KCNH7: variants seen among roughly 807,000 people sequenced by gnomAD.
The protein encoded by KCNH7 is voltage-gated inwardly rectifying potassium channel KCNH7.
Under a neutral mutation model 120.8 loss-of-function variants are expected in KCNH7, and 49 were observed. That is an observed-to-expected ratio of 0.41 (90% CI 0.32 to 0.51). The LOEUF is 0.51. Among genes scored for constraint, KCNH7 ranks in the 20% least tolerant of loss-of-function variants. The pLI is 0.38. For missense variants in KCNH7, 1,097 were observed against 1,446.6 expected (o/e 0.76, Z 3.92); for synonymous variants, 547 against 516.1 (o/e 1.06, Z -0.81).
chr2:162,742,133 A>C (rs1022158417), intron 2 of KCNH7, among the ~76,000 whole-genome samples: 3 of 152,186 alleles, frequency 2.0e-5, no homozygotes, highest in African/African-American at 7.2e-5. Context: ...TGTTGATTCT[A>C]CCAGAAACAC....
chr2:162,828,434 T>C (rs1303794858), intron 2 of KCNH7, among the ~76,000 whole-genome samples: 3 of 152,136 alleles, frequency 2.0e-5, no homozygotes, highest in African/African-American at 7.2e-5. Context: ...AGGACAATAA[T>C]CTACATGATG....
At chr2:162,621,836 T>C (rs1218692119) in intron 2 of KCNH7, among the ~76,000 whole-genome samples, 1 of 152,174 alleles carries the variant, frequency 6.6e-6, no homozygotes, top group Non-Finnish European at 1.5e-5. Flanking sequence ...TTTATTTACA[T>C]TTGTTAATGA....
intron 9 of KCNH7, among the ~76,000 whole-genome samples, chr2:162,418,203 A>C (rs1687594866): frequency 6.6e-6 from 1 of 152,094 alleles, no homozygotes; most frequent in South Asian, 2.1e-4. Flanking sequence ...TTTATAGAAA[A>C]CCAAAAGGTG....
intron 2 of KCNH7, among the ~76,000 whole-genome samples, chr2:162,752,939 A>AAAAGAAAAG (rs1688628104): frequency 1.0e-5 from 1 of 97,316 alleles, no homozygotes; most frequent in Non-Finnish European, 1.8e-5. Flanking sequence ...AAAAGAAAAG[A>AAAAGAAAAG]AAAGAAAAGA....
intron 7 of KCNH7, among the ~76,000 whole-genome samples, chr2:162,445,646 C>T (rs1478278284): frequency 6.6e-6 from 1 of 152,140 alleles, no homozygotes; most frequent in Non-Finnish European, 1.5e-5. Flanking sequence ...CAAATCTCTG[C>T]TGTCTCAAAC....
At chr2:162,648,089 T>G (rs1449701899) in intron 2 of KCNH7, among the ~76,000 whole-genome samples, 1 of 152,178 alleles carries the variant, frequency 6.6e-6, no homozygotes, top group Non-Finnish European at 1.5e-5. Context: ...AACTAAACTT[T>G]AACACTGTAG....
chr2:162,712,447 A>G (rs1686960333), intron 2 of KCNH7, among the ~76,000 whole-genome samples: 1 of 152,110 alleles, frequency 6.6e-6, no homozygotes, highest in African/African-American at 2.4e-5. Context: ...TTTCTCTTCT[A>G]GTTTTTCATG....
intron 9 of KCNH7, among the ~76,000 whole-genome samples, chr2:162,413,836 G>A (rs886117760): frequency 8.6e-5 from 13 of 151,044 alleles, no homozygotes; most frequent in Admixed American, 4.6e-4. Flanking sequence ...TTAAACAAAC[G>A]AACATATTGA....
At chr2:162,696,865 G>T (rs968440911) in intron 2 of KCNH7, among the ~76,000 whole-genome samples, 2 of 152,032 alleles carry the variant, frequency 1.3e-5, no homozygotes, top group African/African-American at 4.8e-5. Flanking sequence ...TTCCAAATAT[G>T]TTTAAATTTA....
intron 2 of KCNH7, among the ~76,000 whole-genome samples, chr2:162,601,065 A>G (rs1694535077): frequency 6.6e-6 from 1 of 152,066 alleles, no homozygotes; most frequent in South Asian, 2.1e-4. Flanking sequence ...AAAGGGGAAA[A>G]AAGGGTAACT....
chr2:162,611,221 T>C lies in KCNH7; in HGVS notation c.308-74141A>G, dbSNP rs138035992. 6.6e-5 allele frequency among the ~76,000 whole-genome samples: 10 copies of C among 152,328 alleles called. No individual in the cohort carries two copies. The East Asian group carries it at 1.9e-3, about 29-fold the overall frequency. ...CAGGCAGAGGAGCAAATGCTGATTA[T>C]GGCAATGACATAGTATTCCCTAGCC... On this transcript the variant is annotated intron_variant, in intron 2 of 15. Transcript: ENST00000332142.
At chr2:162,825,363 C>T (rs752464934) in intron 2 of KCNH7, among the ~76,000 whole-genome samples, 1 of 151,688 alleles carries the variant, frequency 6.6e-6, no homozygotes, top group Non-Finnish European at 1.5e-5. Flanking sequence ...CAAAATTCAA[C>T]AAATTTCAAC....
At chr2:162,510,125 T>C (rs1327663487) in intron 5 of KCNH7, among the ~76,000 whole-genome samples, 13 of 151,630 alleles carry the variant, frequency 8.6e-5, no homozygotes, top group Non-Finnish European at 3.0e-5. Flanking sequence ...CATATGTATA[T>C]GCAGGATGTG....
intron 2 of KCNH7, among the ~76,000 whole-genome samples, chr2:162,735,355 A>G (rs1203630440): frequency 1.3e-5 from 2 of 152,132 alleles, no homozygotes; most frequent in African/African-American, 4.8e-5. Flanking sequence ...TTATAATAGG[A>G]GCTTGAATCC....
chr2:162,491,067 G>T lies in KCNH7; in HGVS notation c.1128+13376C>A, dbSNP rs1220817805. ...GGAATAAGCTGTGGCTGCTTCCCGG[G>T]TACCAAGGCAATCTCGGGGGCCAAG... is the stretch of plus-strand genomic sequence containing the variant. On this transcript the variant is annotated intron_variant, in intron 6 of 15. Transcript: ENST00000332142. Among the ~76,000 whole-genome samples, 5 of 152,264 alleles carry T rather than the reference G, an allele frequency of 3.3e-5. No homozygotes were observed. The East Asian group carries it at 5.8e-4, about 18-fold the overall frequency.
At chr2:162,581,897 AGTAGTGAT>A (rs1452498311) in intron 2 of KCNH7, among the ~76,000 whole-genome samples, 1 of 152,052 alleles carries the variant, frequency 6.6e-6, no homozygotes, top group Non-Finnish European at 1.5e-5. Flanking sequence ...AGAAAGAAAA[AGTAGTGAT>A]GAGATACTCA....
chr2:162,645,910 T>A (rs1028043003), intron 2 of KCNH7, among the ~76,000 whole-genome samples: 53 of 152,156 alleles, frequency 3.5e-4, no homozygotes, highest in Admixed American at 3.5e-3. Flanking sequence ...CATCTCTCGA[T>A]CTACACAAAT....
At chr2:162,416,699 T>C (rs1558933922) in intron 9 of KCNH7, among the ~76,000 whole-genome samples, 1 of 152,160 alleles carries the variant, frequency 6.6e-6, no homozygotes, top group East Asian at 1.9e-4. Context: ...ACAGCATATA[T>C]GGAAATGATT....
At chr2:162,602,395 T>C (rs1053678807) in intron 2 of KCNH7, among the ~76,000 whole-genome samples, 6 of 152,086 alleles carry the variant, frequency 3.9e-5, no homozygotes, top group Admixed American at 6.6e-5. Flanking sequence ...CTGAGGAAGG[T>C]GCTAAATATT....
Sources: gnomAD v4.1 joint callset for allele counts (sites outside exome capture counted in the v4.1 genomes callset) on GRCh38, gnomAD v4.1.1 for gene constraint, MANE v1.5 for transcripts, NCBI Gene and HGNC (gene_info 2026-07-23, HGNC 2026-07-21) for gene names.